The following CNTN5 variants were observed in gnomAD, a reference collection of about 807,000 sequenced individuals.
CNTN5 encodes the protein contactin 5.
CNTN5 carries 77 observed loss-of-function variants against 129.1 expected under a neutral mutation model. That is an observed-to-expected ratio of 0.60 (90% CI 0.50 to 0.72). CNTN5 has a LOEUF of 0.72. Among genes scored for constraint, CNTN5 ranks in the 30% least tolerant of loss-of-function variants. The pLI, the probability that CNTN5 is intolerant of heterozygous loss-of-function variation, is 0.00. For missense variants in CNTN5, 1,478 were observed against 1,328.8 expected (o/e 1.11, Z -1.75); for synonymous variants, 509 against 465.6 (o/e 1.09, Z -1.20).
chr11:99,698,268 CAG>C (rs1954360588), intron 3 of CNTN5, among the ~76,000 whole-genome samples: 1 of 36,752 alleles, frequency 2.7e-5, no homozygotes, highest in African/African-American at 1.1e-4. Context: ...TTCTGTTTAA[CAG>C]AAAAATAAAG....
intron 3 of CNTN5, among the ~76,000 whole-genome samples, chr11:99,574,548 C>A (rs1949283255): frequency 6.6e-6 from 1 of 152,190 alleles, no homozygotes; most frequent in Non-Finnish European, 1.5e-5. Context: ...TTCCTTATTT[C>A]TCCACAGCCT....
intron 6 of CNTN5, among the ~76,000 whole-genome samples, chr11:99,907,963 G>A (rs902266091): frequency 1.4e-4 from 21 of 151,950 alleles, no homozygotes; most frequent in African/African-American, 4.1e-4. Context: ...AACTAAGTTC[G>A]AAATTATAGG....
chr11:100,257,403 C>G (rs908949709), intron 17 of CNTN5, among the ~76,000 whole-genome samples: 1 of 152,190 alleles, frequency 6.6e-6, no homozygotes, highest in Non-Finnish European at 1.5e-5. Flanking sequence ...CTGAAGAGAG[C>G]AGCAGATCTC....
intron 8 of CNTN5, among the ~76,000 whole-genome samples, chr11:99,969,999 G>T (rs1160292424): frequency 6.6e-6 from 1 of 152,060 alleles, no homozygotes; most frequent in Non-Finnish European, 1.5e-5. Context: ...TGACATTTGT[G>T]CTATTAATTA....
intron 17 of CNTN5, among the ~76,000 whole-genome samples, chr11:100,259,258 T>A (rs977252325): frequency 6.6e-6 from 1 of 152,142 alleles, no homozygotes; most frequent in East Asian, 1.9e-4. Context: ...ATCCTAAATA[T>A]ATATGCACCC....
chr11:99,523,408 G>A (rs1206831147), intron 2 of CNTN5, among the ~76,000 whole-genome samples: 10 of 151,918 alleles, frequency 6.6e-5, no homozygotes, highest in East Asian at 1.9e-4. Flanking sequence ...CAGCCTAGGC[G>A]ACGTGGCGAA....
intron 8 of CNTN5, among the ~76,000 whole-genome samples, chr11:99,958,130 G>A (rs1214166917): frequency 3.3e-5 from 5 of 152,074 alleles, no homozygotes; most frequent in Admixed American, 3.3e-4. Flanking sequence ...GTTAGGTAAC[G>A]GCATGGAGAA....
At chr11:100,158,011 TAAAAAGAGAGAAGGAAAG>T (rs1947315366) in intron 13 of CNTN5, among the ~76,000 whole-genome samples, 1 of 151,616 alleles carries the variant, frequency 6.6e-6, no homozygotes, top group East Asian at 2.0e-4. Flanking sequence ...CAGAAAAATT[TAAAAAGAGAGAAGGAAAG>T]GAAAAGGGAG....
chr11:99,433,521 T>G (rs1591049590), intron 2 of CNTN5, among the ~76,000 whole-genome samples: 2 of 152,072 alleles, frequency 1.3e-5, no homozygotes, highest in East Asian at 3.8e-4. Context: ...TGCCTAGTAT[T>G]AAAGATATTT....
At chr11:99,648,543 A>T (rs1044164778) in intron 3 of CNTN5, among the ~76,000 whole-genome samples, 3 of 151,918 alleles carry the variant, frequency 2.0e-5, no homozygotes, top group African/African-American at 7.2e-5. Context: ...GCACTACCAT[A>T]TGATTCATTA....
At chr11:99,996,138 C>T (rs1340335174) in intron 8 of CNTN5, among the ~76,000 whole-genome samples, 2 of 152,122 alleles carry the variant, frequency 1.3e-5, no homozygotes, top group Non-Finnish European at 2.9e-5. Context: ...TGACACTGCC[C>T]ATGCCCTTAT....
At chr11:99,936,565 T>A (rs1237048256) in intron 7 of CNTN5, among the ~76,000 whole-genome samples, 2 of 152,162 alleles carry the variant, frequency 1.3e-5, no homozygotes, top group African/African-American at 4.8e-5. Flanking sequence ...TATGTAAACC[T>A]TATTAAAAAG....
chr11:99,914,458 A>G (rs997216833), intron 6 of CNTN5, among the ~76,000 whole-genome samples: 4 of 152,138 alleles, frequency 2.6e-5, no homozygotes, highest in African/African-American at 7.2e-5. Context: ...TGTATGTTGT[A>G]TTATCTCATA....
rs145695323 is a variant in CNTN5, at chr11:99,675,856, T to C, written c.55+119587T>C. Among the ~76,000 whole-genome samples the C allele has an allele frequency of 2.4e-3, 372 of 152,288 alleles. 2 individuals carry two copies. The highest frequency in any genetic ancestry group is 8.5e-3 in the African/African-American group (353 of 41,580). ...GTAGTTGTGTTACCTTAGTATATCA[T>C]TTCATTTCCTTGCAAAAAGGAAACA... On this transcript the variant is annotated intron_variant, in intron 3 of 24. Coordinates refer to ENST00000524871, the MANE Select transcript of CNTN5 (RefSeq NM_014361.4).
intron 1 of CNTN5, among the ~76,000 whole-genome samples, chr11:99,317,087 C>A (rs941891976): frequency 3.9e-5 from 6 of 152,046 alleles, no homozygotes; most frequent in Non-Finnish European, 5.9e-5. Flanking sequence ...ATGTCCTTTG[C>A]GAAGATTTTT....
At chr11:99,759,982 C>T (rs906339720) in intron 3 of CNTN5, among the ~76,000 whole-genome samples, 1 of 151,964 alleles carries the variant, frequency 6.6e-6, no homozygotes, top group African/African-American at 2.4e-5. Flanking sequence ...ACTTCAGTTT[C>T]AGACACACAG....
chr11:100,335,327 G>C (rs1952013078), intron 21 of CNTN5, among the ~76,000 whole-genome samples: 1 of 152,166 alleles, frequency 6.6e-6, no homozygotes, highest in Admixed American at 6.5e-5. Context: ...ATGAGTTTTA[G>C]ATTTTATAAC....
chr11:99,931,069 A>G (rs1174992186), intron 7 of CNTN5, among the ~76,000 whole-genome samples: 1 of 152,228 alleles, frequency 6.6e-6, no homozygotes, highest in Non-Finnish European at 1.5e-5. Context: ...AGCATTTGTA[A>G]CAAGTGCTTT....
chr11:100,000,259 C>A (rs1282882280), intron 8 of CNTN5, among the ~76,000 whole-genome samples: 1 of 152,138 alleles, frequency 6.6e-6, no homozygotes, highest in Non-Finnish European at 1.5e-5. Context: ...AAATAAAAAA[C>A]AAGTTAGTTA....
Sources: allele counts gnomAD v4.1 joint callset (sites outside exome capture counted in the v4.1 genomes callset), GRCh38; gene constraint gnomAD v4.1.1; transcripts MANE v1.5; gene names NCBI Gene and HGNC (gene_info 2026-07-23, HGNC 2026-07-21).